CTNNA2: variants seen among roughly 807,000 people sequenced by gnomAD.
CTNNA2 encodes the protein catenin alpha 2, also known as catenin alpha-2.
In CTNNA2, 42 loss-of-function variants were observed where a neutral mutation model predicts 101.0. That is an observed-to-expected ratio of 0.42 (90% CI 0.32 to 0.54). The LOEUF (loss-of-function observed/expected upper bound fraction) is 0.54. CTNNA2 is among the 20% of genes least tolerant of loss of function. The pLI is 0.14. For synonymous variants in CTNNA2, 450 were observed against 456.4 expected (o/e 0.99, Z 0.18); for missense variants, 871 against 1,223.1 (o/e 0.71, Z 4.29).
chr2:80,069,192 C>G (rs1202134180), intron 7 of CTNNA2, among the ~76,000 whole-genome samples: 1 of 152,084 alleles, frequency 6.6e-6, no homozygotes, highest in Admixed American at 6.6e-5. Flanking sequence ...CCTTTATGTT[C>G]TGTATGGACC....
At chr2:79,712,141 C>A (rs913555599) in intron 2 of CTNNA2, among the ~76,000 whole-genome samples, 1 of 152,128 alleles carries the variant, frequency 6.6e-6, no homozygotes, top group Non-Finnish European at 1.5e-5. Flanking sequence ...CTTAATCAAC[C>A]TGTAAAGCAA....
At chr2:80,069,587 A>T (rs534136471) in intron 7 of CTNNA2, among the ~76,000 whole-genome samples, 2 of 152,348 alleles carry the variant, frequency 1.3e-5, no homozygotes, top group South Asian at 4.1e-4. Flanking sequence ...ATACACCATA[A>T]CTTCAATATT....
chr2:79,532,299 T>TG, intron 1 of CTNNA2, among the ~76,000 whole-genome samples: 1 of 152,200 alleles, frequency 6.6e-6, no homozygotes, highest in East Asian at 1.9e-4. Context: ...AGTGACTTCA[T>TG]GGGATGCTTA....
intron 8 of CTNNA2, among the ~76,000 whole-genome samples, chr2:80,417,115 A>T (rs1271570848): frequency 6.6e-6 from 1 of 151,762 alleles, no homozygotes; most frequent in African/African-American, 2.4e-5. Flanking sequence ...ATTATTTCAG[A>T]TTGTAGGTTA....
At chr2:80,072,323 C>T (rs2148781631) in intron 7 of CTNNA2, among the ~76,000 whole-genome samples, 1 of 152,112 alleles carries the variant, frequency 6.6e-6, no homozygotes, top group African/African-American at 2.4e-5. Flanking sequence ...CTCCCCCACC[C>T]CCAGTATGTC....
chr2:79,500,185 T>A (rs1281332599), intron 4 of CTNNA2, among the ~76,000 whole-genome samples: 2 of 152,218 alleles, frequency 1.3e-5, no homozygotes, highest in Non-Finnish European at 2.9e-5. Context: ...AAAAAGAAAT[T>A]CCTCAAAGCC....
chr2:79,819,046 C>T (rs980565392), intron 3 of CTNNA2, among the ~76,000 whole-genome samples: 1 of 149,092 alleles, frequency 6.7e-6, no homozygotes, highest in Admixed American at 6.7e-5. Flanking sequence ...GTGGTATGAT[C>T]TCGGTTCACT....
At chr2:79,474,741 G>T (rs1296247693) in intron 4 of CTNNA2, among the ~76,000 whole-genome samples, 1 of 152,086 alleles carries the variant, frequency 6.6e-6, no homozygotes, top group African/African-American at 2.4e-5. Flanking sequence ...CAGAAGTGTG[G>T]TTTAAAATAG....
intron 9 of CTNNA2, among the ~76,000 whole-genome samples, chr2:80,497,740 G>A (rs1051690813): frequency 2.0e-5 from 3 of 152,170 alleles, no homozygotes; most frequent in African/African-American, 7.2e-5. Flanking sequence ...GAGCCAACTG[G>A]TATGTGTGGA....
intron 7 of CTNNA2, among the ~76,000 whole-genome samples, chr2:80,117,328 A>C (rs1227310141): frequency 1.3e-5 from 2 of 152,136 alleles, no homozygotes; most frequent in Non-Finnish European, 1.5e-5. Flanking sequence ...CACATAGTTT[A>C]CATAAATTCC....
chr2:80,268,861 C>G (rs76005347), intron 7 of CTNNA2, among the ~76,000 whole-genome samples: 1 of 152,174 alleles, frequency 6.6e-6, no homozygotes, highest in Non-Finnish European at 1.5e-5. Flanking sequence ...CTGATAAACA[C>G]ACCCAGAATC....
Position 79,682,209 on chromosome 2 carries a change from C to A in CTNNA2, c.102+30551C>A, listed in dbSNP as rs1010593818. 2.0e-5 allele frequency among the ~76,000 whole-genome samples: 3 copies of A among 151,670 alleles called. No homozygotes were observed. The South Asian group carries it at 6.2e-4, about 32-fold the overall frequency. ...GGATCACGAGGTCAGGAGATCGAGA[C>A]CATCCTGGCTAACAAGGTGAAACCC... On this transcript the variant is annotated intron_variant, in intron 2 of 18. Coordinates refer to ENST00000402739, the MANE Select transcript of CTNNA2 (RefSeq NM_001282597.3).
intron 9 of CTNNA2, among the ~76,000 whole-genome samples, chr2:80,538,647 G>A (rs545578704): frequency 6.7e-4 from 102 of 152,348 alleles, no homozygotes; most frequent in African/African-American, 2.1e-3. Flanking sequence ...ACAGTTTGAA[G>A]TCAGGTAGCC....
chr2:80,174,626 C>A (rs1457963138), intron 7 of CTNNA2, among the ~76,000 whole-genome samples: 1 of 152,146 alleles, frequency 6.6e-6, no homozygotes, highest in Non-Finnish European at 1.5e-5. Flanking sequence ...CACAAAGACA[C>A]CCCAAACTCA....
intron 7 of CTNNA2, among the ~76,000 whole-genome samples, chr2:80,276,663 G>C (rs901516227): frequency 2.0e-5 from 3 of 151,942 alleles, no homozygotes; most frequent in African/African-American, 7.2e-5. Flanking sequence ...GAAGGAGGAG[G>C]AGGAGGAGGA....
intron 7 of CTNNA2, among the ~76,000 whole-genome samples, chr2:80,176,084 C>A (rs1169979906): frequency 6.6e-6 from 1 of 152,158 alleles, no homozygotes; most frequent in African/African-American, 2.4e-5. Flanking sequence ...ACAGATACAT[C>A]CAGGAACAAT....
At chr2:79,345,854 G>A (rs1042133445) in intron 3 of CTNNA2, among the ~76,000 whole-genome samples, 6 of 134,304 alleles carry the variant, frequency 4.5e-5, no homozygotes, top group East Asian at 4.8e-4. Flanking sequence ...CATCACGCCC[G>A]GTTGATTTTT....
intron 7 of CTNNA2, chr2:80,162,671 A>G (rs1704405138): frequency 6.2e-7 from 1 of 1,612,854 alleles, no homozygotes; most frequent in Admixed American, 1.7e-5. Context: ...ATGATGGTGT[A>G]CCTTGGCGCC....
intron 4 of CTNNA2, among the ~76,000 whole-genome samples, chr2:79,399,700 T>A (rs528487069): frequency 6.6e-6 from 1 of 152,040 alleles, no homozygotes; most frequent in Non-Finnish European, 1.5e-5. Context: ...ATAATAAAGA[T>A]GAGACACTCA....
Sources: gnomAD v4.1 joint callset for allele counts (sites outside exome capture counted in the v4.1 genomes callset) on GRCh38, gnomAD v4.1.1 for gene constraint, MANE v1.5 for transcripts, NCBI Gene and HGNC (gene_info 2026-07-23, HGNC 2026-07-21) for gene names.